KCNK13: variants seen among roughly 807,000 people sequenced by gnomAD.
KCNK13 encodes potassium two pore domain channel subfamily K member 13, also known as potassium channel subfamily K member 13.
A neutral mutation model predicts 23.4 loss-of-function variants in KCNK13; 12 were observed. The observed-to-expected ratio is 0.51, with a 90% CI of 0.33 to 0.83. The LOEUF is 0.83. Ranked by LOEUF, KCNK13 falls within the 40% of genes least tolerant of loss-of-function variation. KCNK13 has a pLI of 0.02. For synonymous variants in KCNK13, 231 were observed against 229.5 expected, an observed-to-expected ratio of 1.01 and a Z score of -0.06; for missense variants, 463 against 556.3, an observed-to-expected ratio of 0.83 and a Z score of 1.69.
intron 1 of KCNK13, among the ~76,000 whole-genome samples, chr14:90,065,378 A>C (rs2140385581): frequency 6.6e-6 from 1 of 152,354 alleles, no homozygotes; most frequent in African/African-American, 2.4e-5. Flanking sequence ...GTTGCTAGAG[A>C]GGAACTTTGT....
At chr14:90,110,491 A>AT (rs1232456559) in intron 1 of KCNK13, among the ~76,000 whole-genome samples, 1 of 148,390 alleles carries the variant, frequency 6.7e-6, no homozygotes, top group African/African-American at 2.4e-5. Context: ...AAAAAGAAAA[A>AT]AAAAAAAAGC....
At chr14:90,117,120 A>C (rs1350063937) in intron 1 of KCNK13, among the ~76,000 whole-genome samples, 1 of 152,218 alleles carries the variant, frequency 6.6e-6, no homozygotes, top group African/African-American at 2.4e-5. Context: ...GTTAAGAAAA[A>C]GAAGGGTGAC....
At chr14:90,113,631 T>C (rs1230973027) in intron 1 of KCNK13, among the ~76,000 whole-genome samples, 1 of 152,080 alleles carries the variant, frequency 6.6e-6, no homozygotes, top group African/African-American at 2.4e-5. Flanking sequence ...AAGATCTTAA[T>C]ATTAGAAGAA....
At chr14:90,091,762 TGGA>T (rs1274634233) in intron 1 of KCNK13, among the ~76,000 whole-genome samples, 3 of 151,688 alleles carry the variant, frequency 2.0e-5, no homozygotes, top group Admixed American at 1.3e-4. Context: ...ACAGAGTCTA[TGGA>T]GAGAGTCCTG....
chr14:90,096,022 G>A (rs575973044), intron 1 of KCNK13, among the ~76,000 whole-genome samples: 33 of 152,298 alleles, frequency 2.2e-4, no homozygotes, highest in African/African-American at 7.9e-4. Context: ...CAGATGAAGA[G>A]ATGCATAGGA....
At chr14:90,152,849 T>C (rs1447681056) in intron 1 of KCNK13, among the ~76,000 whole-genome samples, 1 of 152,144 alleles carries the variant, frequency 6.6e-6, no homozygotes. Context: ...ACATAGAGTC[T>C]CCCCCTTCAA....
intron 1 of KCNK13, among the ~76,000 whole-genome samples, chr14:90,163,957 G>T (rs865835739): frequency 3.3e-5 from 5 of 152,152 alleles, no homozygotes; most frequent in African/African-American, 1.2e-4. Flanking sequence ...CTCCCAAAGT[G>T]CTGGGATTAC....
intron 1 of KCNK13, among the ~76,000 whole-genome samples, chr14:90,079,153 C>A (rs1163400037): frequency 6.6e-6 from 1 of 152,060 alleles, no homozygotes; most frequent in African/African-American, 2.4e-5. Context: ...CTGGCCATCA[C>A]GTCGACATGC....
intron 1 of KCNK13, among the ~76,000 whole-genome samples, chr14:90,111,364 C>T (rs563656545): frequency 4.6e-5 from 7 of 152,106 alleles, no homozygotes; most frequent in Non-Finnish European, 7.4e-5. Flanking sequence ...CTTTTTTCCC[C>T]GAATGTGTTA....
intron 1 of KCNK13, among the ~76,000 whole-genome samples, chr14:90,148,756 C>T (rs1489220714): frequency 6.6e-6 from 1 of 152,226 alleles, no homozygotes; most frequent in African/African-American, 2.4e-5. Flanking sequence ...TAATAGAGAA[C>T]TTTAGGAAAG....
intron 1 of KCNK13, among the ~76,000 whole-genome samples, chr14:90,178,107 C>T (rs1420560188): frequency 6.6e-6 from 1 of 151,700 alleles, no homozygotes; most frequent in Non-Finnish European, 1.5e-5. Context: ...TTGATTTAGT[C>T]ATTTCCCCAT....
At chr14:90,072,365 T>G (rs1889085633) in intron 1 of KCNK13, among the ~76,000 whole-genome samples, 1 of 151,946 alleles carries the variant, frequency 6.6e-6, no homozygotes, top group East Asian at 1.9e-4. Flanking sequence ...TGTAACGGGG[T>G]GTAGGACATT....
At chr14:90,064,102 C>T (rs970241485) in intron 1 of KCNK13, among the ~76,000 whole-genome samples, 1 of 152,200 alleles carries the variant, frequency 6.6e-6, no homozygotes, top group Non-Finnish European at 1.5e-5. Context: ...GTTCCACAAG[C>T]CCCTCCTCAC....
chr14:90,133,310 A>G (rs1889896369), intron 1 of KCNK13, among the ~76,000 whole-genome samples: 1 of 152,206 alleles, frequency 6.6e-6, no homozygotes, highest in East Asian at 1.9e-4. Context: ...GATCCCATCT[A>G]TATGAAATGT....
intron 1 of KCNK13, among the ~76,000 whole-genome samples, chr14:90,123,966 G>T (rs1306702982): frequency 6.6e-6 from 1 of 152,122 alleles, no homozygotes; most frequent in African/African-American, 2.4e-5. Context: ...TCTCTGAGGG[G>T]CCTTGGCATA....
chr14:90,179,125 A>T (rs72699139), intron 1 of KCNK13, among the ~76,000 whole-genome samples: 1 of 149,520 alleles, frequency 6.7e-6, no homozygotes, highest in South Asian at 2.2e-4. Context: ...GCAGTTAAAG[A>T]TGTGTCTTTA....
At chr14:90,181,883 G>A (rs1890491740) in intron 1 of KCNK13, among the ~76,000 whole-genome samples, 1 of 152,046 alleles carries the variant, frequency 6.6e-6, no homozygotes, top group Non-Finnish European at 1.5e-5. Flanking sequence ...TTTTCTGCCT[G>A]TTTGCTGCAT....
chr14:90,134,967 A>G (rs1231563522), intron 1 of KCNK13, among the ~76,000 whole-genome samples: 1 of 152,228 alleles, frequency 6.6e-6, no homozygotes, highest in Non-Finnish European at 1.5e-5. Flanking sequence ...TAGCCTGCTC[A>G]TCGTAGACAT....
chr14:90,184,226 C>G lies in KCNK13; in HGVS notation c.450C>G (p.Ile150Met). Reference sequence around the variant, plus strand: ...TCAACCTCTTCCTGGAGCGCCTGATCACCATCATCGCCTACATCATGAAGT... The same window carrying G: ...TCAACCTCTTCCTGGAGCGCCTGATGACCATCATCGCCTACATCATGAAGT... ...LFFNLFLERLITIIAYIMKSC... is the reference protein window; with the variant it reads ...LFFNLFLERLMTIIAYIMKSC... Residue 150 changes from isoleucine to methionine, a missense_variant, in exon 2 of 2, where the codon ATC (isoleucine) becomes ATG (methionine). Ile to Met is a conservative substitution (Grantham distance 10). Around this residue, in one of 3 missense-constraint regions of KCNK13, gnomAD observed 144 missense variants for 224.0 expected, o/e 0.64. Coordinates refer to ENST00000282146, the MANE Select transcript of KCNK13 (RefSeq NM_022054.4). This position sits in a 1 kb window ranked among gnomAD's most constrained non-coding sequence, Gnocchi z 5.6. 1 of 1,614,238 alleles carries G rather than the reference C, an allele frequency of 6.2e-7. No individual in the cohort carries two copies. The highest frequency in any genetic ancestry group is 8.5e-7 in the Non-Finnish European group (1 of 1,180,042).
Sources: allele counts gnomAD v4.1 joint callset (sites outside exome capture counted in the v4.1 genomes callset), GRCh38; gene constraint gnomAD v4.1.1; regional missense constraint gnomAD v4.1.1; non-coding constraint Gnocchi (gnomAD v3.1); transcripts MANE v1.5; gene names NCBI Gene and HGNC (gene_info 2026-07-23, HGNC 2026-07-21).